Variants in AGO4 observed in about 807,000 individuals in gnomAD.
AGO4 encodes the protein argonaute RISC component 4.
A neutral mutation model predicts 104.7 loss-of-function variants in AGO4; 33 were observed. The ratio of observed to expected loss-of-function variants is 0.32; its 90% CI spans 0.24 to 0.42. The LOEUF is 0.42. Among genes scored for constraint, AGO4 ranks in the 10% least tolerant of loss-of-function variants. The pLI, the probability that AGO4 is intolerant of heterozygous loss-of-function variation, is 1.00. For synonymous variants in AGO4, 331 were observed against 364.7 expected (o/e 0.91, Z 1.05); for missense variants, 711 against 1,083.4 (o/e 0.66, Z 4.83).
Position 35,832,582 on chromosome 1 carries a change from C to T in AGO4, c.1379+12C>T. 1.2e-6 allele frequency: 2 copies of T among 1,611,722 alleles called. No individual in the cohort carries two copies. The stretch of plus-strand genomic sequence containing the variant: ...GAAGATTTACTAAAGTGAGTATCTT[C>T]ATATTTTCAGCTTAGTAATATCCCT... On this transcript the variant is annotated intron_variant, in intron 11 of 17. Coordinates refer to ENST00000373210, the MANE Select transcript of AGO4 (RefSeq NM_017629.4).
rs986941762 is a variant in AGO4, at chr1:35,847,913, T to C, written c.2176-2244T>C. Among the ~76,000 whole-genome samples the C allele has an allele frequency of 6.6e-5, 10 of 152,250 alleles. No homozygotes were observed. In the Middle Eastern group the frequency reaches 0.01, roughly 155 times the overall value. On this transcript the variant is annotated intron_variant, in intron 15 of 17. Transcript: ENST00000373210. Reference sequence around the variant, plus strand: ...TTTATGGGTTACATAGGAATTCTTATACAAATAATGTGCAGTGATCAAATC... The same window carrying C: ...TTTATGGGTTACATAGGAATTCTTACACAAATAATGTGCAGTGATCAAATC...
chr1:35,834,010 G>A lies in AGO4; in HGVS notation c.1400G>A (p.Arg467His), dbSNP rs773872203. The part of the protein sequence containing the change: ...DLLKSFTDQL[R>H]KISKDAGMPI... ...AACAGGAGTTTCACTGACCAGCTGCGTAAAATCTCTAAGGATGCAGGAATG... is the reference window on the plus strand; with the variant it reads ...AACAGGAGTTTCACTGACCAGCTGCATAAAATCTCTAAGGATGCAGGAATG... The change falls in exon 12 of 18, where the codon CGT becomes CAT. Residue 467 changes from arginine (R) to histidine (H), a missense_variant. Transcript: ENST00000373210. 55 of 1,576,286 alleles carry A rather than the reference G, an allele frequency of 3.5e-5. No homozygotes were observed. Among genetic ancestry groups the A allele is most frequent in the Middle Eastern group, 1.7e-4 (1 of 5,978 alleles).
At chr1:35,834,654 G>A (rs1644262412) in intron 12 of AGO4, among the ~76,000 whole-genome samples, 1 of 152,204 alleles carries the variant, frequency 6.6e-6, no homozygotes, top group African/African-American at 2.4e-5. Context: ...TAAGAAGAAT[G>A]ATACAAAGTT....
At chr1:35,830,010 T>C (rs550798553) in intron 7 of AGO4, among the ~76,000 whole-genome samples, 50 of 151,204 alleles carry the variant, frequency 3.3e-4, no homozygotes, top group African/African-American at 1.2e-3. Flanking sequence ...TACAAAAAAA[T>C]TAGCCAGGCA....
intron 1 of AGO4, among the ~76,000 whole-genome samples, chr1:35,816,164 G>A (rs1643687689): frequency 6.6e-6 from 1 of 152,148 alleles, no homozygotes; most frequent in Non-Finnish European, 1.5e-5. Flanking sequence ...TAATGATGCA[G>A]GCTAATTTGT....
rs935802044 is a variant in AGO4, at chr1:35,808,338, C to CGCGGCG, written c.-59_-54dup. On this transcript the variant is annotated 5_prime_UTR_variant, in exon 1 of 18. Coordinates refer to ENST00000373210, the MANE Select transcript of AGO4 (RefSeq NM_017629.4). This position sits in a 1 kb window ranked among gnomAD's most constrained non-coding sequence, Gnocchi z 5.2. ...CCAATATTCCGGAGATCAAGCGTTA[C>CGCGGCG]GCGGCGGCGGCGGCGGCGGCGGCGG... 2.2e-4 allele frequency: 186 copies of CGCGGCG among 860,790 alleles called. 1 individual carries two copies. The highest frequency in any genetic ancestry group is 1.4e-3 in the South Asian group (27 of 19,372). 53.3% of individuals were successfully genotyped at this position (860,790 alleles called of 1,614,324 possible).
intron 3 of AGO4, among the ~76,000 whole-genome samples, chr1:35,823,486 C>T (rs528637125): frequency 9.2e-5 from 14 of 152,120 alleles, no homozygotes; most frequent in African/African-American, 2.2e-4. Context: ...AGTGCAGTGG[C>T]GCGATCTCGG....
chr1:35,841,546 C>G lies in AGO4; in HGVS notation c.2040+66C>G. On this transcript the variant is annotated intron_variant, in intron 14 of 17. Coordinates refer to ENST00000373210, the MANE Select transcript of AGO4 (RefSeq NM_017629.4). This position sits in a 1 kb window ranked among gnomAD's most constrained non-coding sequence, Gnocchi z 4.7. ...GTCTGAGGGAGATTCCTCTCATCTA[C>G]CATTCTGGGTAGATCTGAGAGATAC... is the stretch of plus-strand genomic sequence containing the variant. The G allele has an allele frequency of 6.2e-7, 1 of 1,609,464 alleles. No homozygotes were observed.
intron 15 of AGO4, among the ~76,000 whole-genome samples, chr1:35,842,841 C>A (rs965929327): frequency 6.6e-6 from 1 of 152,062 alleles, no homozygotes; most frequent in Non-Finnish European, 1.5e-5. Flanking sequence ...ACCTCTAATC[C>A]CCAGGCATTT....
At chr1:35,824,068 A>G (rs1557557286) in intron 3 of AGO4, among the ~76,000 whole-genome samples, 1 of 152,350 alleles carries the variant, frequency 6.6e-6, no homozygotes, top group East Asian at 1.9e-4. Context: ...AGAGTTTTAT[A>G]AATTATAGAA....
At chr1:35,843,123 G>A (rs942016974) in intron 15 of AGO4, among the ~76,000 whole-genome samples, 4 of 151,938 alleles carry the variant, frequency 2.6e-5, no homozygotes, top group Non-Finnish European at 5.9e-5. Context: ...GCAATGCAAC[G>A]GCACAATCTT....
upstream of AGO4, among the ~76,000 whole-genome samples, chr1:35,807,666 G>C (rs552678828): frequency 8.5e-5 from 13 of 152,298 alleles, no homozygotes; most frequent in African/African-American, 3.1e-4. Context: ...GGAGAGGGAC[G>C]CGCAGTTGGG....
chr1:35,840,320 C>G (rs768844386), intron 13 of AGO4, among the ~76,000 whole-genome samples: 5 of 152,124 alleles, frequency 3.3e-5, no homozygotes, highest in Non-Finnish European at 7.3e-5. Context: ...ACCACCACAC[C>G]TGGCTAATTT....
chr1:35,825,246 A>G, intron 3 of AGO4, 67 bp from the exon 4 acceptor site: 1 of 1,525,876 alleles, frequency 6.6e-7, no homozygotes, highest in Non-Finnish European at 9.0e-7. Flanking sequence ...CATACTGCAT[A>G]TTCTTGGGAT....
At chr1:35,844,971 C>G (rs565480502) in intron 15 of AGO4, among the ~76,000 whole-genome samples, 1 of 152,296 alleles carries the variant, frequency 6.6e-6, no homozygotes, top group South Asian at 2.1e-4. Context: ...AAGTTGTTGT[C>G]TCAATGACTT....
Position 35,834,053 on chromosome 1 carries a change from A to C in AGO4, c.1443A>C (p.Pro481=). The C allele has an allele frequency of 1.2e-6, 2 of 1,611,490 alleles. No homozygotes were observed. Among genetic ancestry groups the C allele is most frequent in the Non-Finnish European group, 1.7e-6 (2 of 1,178,782 alleles). ...CAGGAATGCCCATCCAGGGTCAGCCATGTTTCTGCAAGTATGCACAAGGTG... is the reference window on the plus strand; with the variant it reads ...CAGGAATGCCCATCCAGGGTCAGCCCTGTTTCTGCAAGTATGCACAAGGTG... The part of the protein sequence containing the change: ...KDAGMPIQGQ[P]CFCKYAQGAD... The change falls in exon 12 of 18, where the codon CCA becomes CCC. Residue 481 remains proline, a synonymous_variant. Coordinates refer to ENST00000373210, the MANE Select transcript of AGO4 (RefSeq NM_017629.4).
At chr1:35,832,696 AT>A in intron 11 of AGO4, 126 bp downstream of exon 11, 3 of 1,234,618 alleles carry the variant, frequency 2.4e-6, no homozygotes, top group Non-Finnish European at 3.2e-6. Flanking sequence ...ATCTGGCTAT[AT>A]GAAAAAGACC....
rs1221336904 is a variant in AGO4, at chr1:35,841,560, T to C, written c.2041-56T>C. 6.2e-7 allele frequency: 1 copy of C among 1,612,982 alleles called. No homozygotes were observed. The highest frequency in any genetic ancestry group is 1.7e-5 in the Admixed American group (1 of 59,970). On this transcript the variant is annotated intron_variant, in intron 14 of 17. Transcript: ENST00000373210. This position sits in a 1 kb window ranked among gnomAD's most constrained non-coding sequence, Gnocchi z 4.7. ...CCTCTCATCTACCATTCTGGGTAGA[T>C]CTGAGAGATACTAGGCAAATTCTCA...
chr1:35,813,729 A>G (rs940837648), intron 1 of AGO4, among the ~76,000 whole-genome samples: 41 of 152,052 alleles, frequency 2.7e-4, no homozygotes, highest in Non-Finnish European at 3.8e-4. Flanking sequence ...AGCCTGGGCA[A>G]CAGAGCAAGA....
Sources: gnomAD v4.1 joint callset for allele counts (sites outside exome capture counted in the v4.1 genomes callset) on GRCh38, gnomAD v4.1.1 for gene constraint, Gnocchi (gnomAD v3.1) non-coding constraint, MANE v1.5 for transcripts, NCBI Gene and HGNC (gene_info 2026-07-23, HGNC 2026-07-21) for gene names.